Variants in HNMT observed in about 807,000 individuals in gnomAD.
HNMT encodes the protein histamine N-methyltransferase.
In HNMT, 30 loss-of-function variants were observed where a neutral mutation model predicts 32.1. The ratio of observed to expected loss-of-function variants is 0.93; its 90% confidence interval spans 0.70 to 1.27. The LOEUF (loss-of-function observed/expected upper bound fraction) is 1.27. HNMT is among the 50% of genes most tolerant of loss of function. The probability of loss-of-function intolerance (pLI) is 0.00; values close to 1 mark genes in which losing one functional copy is unlikely to be tolerated. For synonymous variants in HNMT, 125 were observed against 119.0 expected, an observed-to-expected ratio of 1.05 and a Z score of -0.33; for missense variants, 327 against 346.0, an observed-to-expected ratio of 0.95 and a Z score of 0.43.
rs143507989 is a variant in HNMT at position 138,013,477 on chromosome 2, C to CT, written c.524-297dup. On this transcript the variant is annotated intron_variant, in intron 5 of 5. Transcript: ENST00000280097. ...TTCCCCCTGATATCTCCATGTCTTGCTGTCAGGTCTCTGCTCAAATGTCAG... is the reference window on the plus strand; with the variant it reads ...TTCCCCCTGATATCTCCATGTCTTGCTTGTCAGGTCTCTGCTCAAATGTCAG... Among the ~76,000 whole-genome samples the CT allele has an allele frequency of 7.7e-4, 117 of 152,240 alleles. 1 individual carries two copies. The East Asian group carries it at 0.019, about 25-fold the overall frequency.
In HNMT at chr2:138,012,055, A is replaced by G. The variant is rs79185311; in HGVS notation, c.524-1720A>G. ...TAAATAGAAACTCATTATTATTATT[A>G]TAGATTTCTGAATAGCAGGCTTGCT... On this transcript the variant is annotated intron_variant, in intron 5 of 5. Transcript: ENST00000280097. Among the ~76,000 whole-genome samples, 1,038 of 152,210 alleles carry G rather than the reference A, an allele frequency of 6.8e-3. 12 individuals carry two copies. The highest frequency in any genetic ancestry group is 0.023 in the African/African-American group (973 of 41,530).
intron 1 of HNMT, chr2:137,966,996 A>C: frequency 1.4e-6 from 1 of 740,054 alleles, no homozygotes; most frequent in Non-Finnish European, 2.5e-6. Context: ...TATGTTTAAA[A>C]ATCCCTTGGT....
chr2:138,001,944 A>G (rs1681186334), intron 3 of HNMT, 120 bp from the exon 4 acceptor site: 3 of 721,586 alleles, frequency 4.2e-6, no homozygotes, highest in South Asian at 8.5e-5. Context: ...GACATAAGAA[A>G]GAAAAACGTT....
intron 2 of HNMT, among the ~76,000 whole-genome samples, chr2:137,970,716 C>T (rs1285338967): frequency 1.3e-5 from 2 of 151,774 alleles, no homozygotes; most frequent in South Asian, 2.1e-4. Flanking sequence ...GTCAGGAGAT[C>T]GAGACCATCC....
At chr2:137,981,397 C>T (rs746288462) in intron 2 of HNMT, 102 of 1,598,396 alleles carry the variant, frequency 6.4e-5, no homozygotes, top group Non-Finnish European at 8.4e-5. Context: ...TTTCCTTCAT[C>T]CTCTTTTAAG....
At chr2:137,970,789 A>G (rs781197815) in intron 2 of HNMT, among the ~76,000 whole-genome samples, 1 of 151,956 alleles carries the variant, frequency 6.6e-6, no homozygotes, top group South Asian at 2.1e-4. Context: ...GCGTGGTGGC[A>G]GACGCCTGTA....
intron 4 of HNMT, among the ~76,000 whole-genome samples, chr2:138,004,208 T>C (rs947373522): frequency 1.3e-5 from 2 of 152,098 alleles, no homozygotes; most frequent in African/African-American, 4.8e-5. Context: ...TGATTCACTA[T>C]ATTTGGGTAC....
At chr2:137,973,063 T>C (rs894497780) in intron 2 of HNMT, among the ~76,000 whole-genome samples, 1 of 152,084 alleles carries the variant, frequency 6.6e-6, no homozygotes, top group Non-Finnish European at 1.5e-5. Flanking sequence ...AGAATGTGGG[T>C]GCCCTTTAAG....
At chr2:137,992,441 G>A (rs1377331133) in intron 2 of HNMT, among the ~76,000 whole-genome samples, 3 of 152,196 alleles carry the variant, frequency 2.0e-5, no homozygotes, top group Non-Finnish European at 4.4e-5. Flanking sequence ...ACATCTGCTT[G>A]CAGTCTGTGG....
intron 2 of HNMT, among the ~76,000 whole-genome samples, chr2:137,999,771 T>C (rs1305839462): frequency 1.3e-5 from 2 of 152,142 alleles, no homozygotes; most frequent in African/African-American, 4.8e-5. Context: ...TATTTTCAAA[T>C]AGATGTACTC....
rs139179192 is a variant in HNMT at position 137,985,049 on chromosome 2, A to G, written c.190+14832A>G. 2.0e-3 allele frequency among the ~76,000 whole-genome samples: 312 copies of G among 152,302 alleles called. 1 individual carries two copies. The highest frequency in any genetic ancestry group is 7.4e-3 in the African/African-American group (307 of 41,578). ...ATGAAGTTCTATTCTCTGCCTTTGA[A>G]TAGTAGCAAACTAGGATTATAATTT... On this transcript the variant is annotated intron_variant, in intron 2 of 5. Transcript: ENST00000280097.
Position 137,981,686 on chromosome 2 carries a change from A to G in HNMT, c.190+11469A>G, listed in dbSNP as rs531587556. 6.2e-5 allele frequency: 21 copies of G among 339,908 alleles called. No individual in the cohort carries two copies. The South Asian group carries it at 1.0e-3, about 17-fold the overall frequency. The allele number at this position is 339,908 out of a possible 1,614,324, so 21.1% of individuals were successfully genotyped here. A position where few individuals can be genotyped will look rare whatever the true frequency, so the allele number is the denominator to read the frequency against. ...ATGAACTGTGGTAAATTATCTCCAT[A>G]TAATGCCTGTAATCTTTACAACACC... On this transcript the variant is annotated intron_variant, in intron 2 of 5. Transcript: ENST00000280097.
At position 138,016,080 on chromosome 2, in the gene HNMT, A is replaced by G. The variant is rs1681655288; in HGVS notation, c.*1950A>G. 1 of 152,140 alleles carries G rather than the reference A, an allele frequency of 6.6e-6. No homozygotes were observed. The highest frequency in any genetic ancestry group is 2.4e-5 in the African/African-American group (1 of 41,438). 9.4% of individuals were successfully genotyped at this position (152,140 alleles called of 1,614,324 possible). Reference sequence around the variant, plus strand: ...CCCTGTTTTCTTCCTGCACTGTATGATAATACCAAAATTTGGGACAGTCAC... The same window carrying G: ...CCCTGTTTTCTTCCTGCACTGTATGGTAATACCAAAATTTGGGACAGTCAC... On this transcript the variant is annotated 3_prime_UTR_variant, in exon 6 of 6. Coordinates refer to ENST00000280097, the MANE Select transcript of HNMT (RefSeq NM_006895.3).
chr2:137,995,054 A>T (rs1365440842), intron 2 of HNMT, among the ~76,000 whole-genome samples: 1 of 152,186 alleles, frequency 6.6e-6, no homozygotes, highest in Non-Finnish European at 1.5e-5. Context: ...AAATGCCCCC[A>T]TCAGAAAGCC....
chr2:137,967,041 A>C, intron 1 of HNMT: 1 of 779,720 alleles, frequency 1.3e-6, no homozygotes, highest in Non-Finnish European at 2.4e-6. Flanking sequence ...ATAGAACTCT[A>C]TACTGAAAAT....
At chr2:138,002,956 C>T (rs1240505713) in intron 4 of HNMT, among the ~76,000 whole-genome samples, 2 of 151,634 alleles carry the variant, frequency 1.3e-5, no homozygotes, top group Non-Finnish European at 2.9e-5. Flanking sequence ...CTGACTCATA[C>T]ATGTTATAGA....
At chr2:138,005,726 TG>T (rs1351281334) in intron 5 of HNMT, among the ~76,000 whole-genome samples, 1 of 152,080 alleles carries the variant, frequency 6.6e-6, no homozygotes, top group African/African-American at 2.4e-5. Flanking sequence ...TCATTTGTTT[TG>T]TTTTGTGTTG....
intron 2 of HNMT, among the ~76,000 whole-genome samples, chr2:137,992,554 C>T (rs1227178614): frequency 1.3e-5 from 2 of 152,170 alleles, no homozygotes; most frequent in Admixed American, 6.5e-5. Context: ...GGGACAGAAC[C>T]TGCATCTCCC....
intron 4 of HNMT, chr2:138,002,845 A>G (rs914838509): frequency 9.2e-6 from 8 of 871,184 alleles, no homozygotes; most frequent in Admixed American, 6.2e-5. Flanking sequence ...GGGTGGACCA[A>G]TGTCCCAGAG....
Sources: gnomAD v4.1 joint callset for allele counts (sites outside exome capture counted in the v4.1 genomes callset) on GRCh38, gnomAD v4.1.1 for gene constraint, MANE v1.5 for transcripts, NCBI Gene and HGNC (gene_info 2026-07-23, HGNC 2026-07-21) for gene names.